RALYL: variants seen among roughly 807,000 people sequenced by gnomAD.
RALYL encodes RNA-binding Raly-like protein.
Under a neutral mutation model 35.1 loss-of-function variants are expected in RALYL, and 29 were observed. That is an observed-to-expected ratio of 0.83 (90% CI 0.61 to 1.13). The LOEUF (loss-of-function observed/expected upper bound fraction) is 1.13. Ranked by LOEUF, RALYL falls within the 50% of genes most tolerant of loss-of-function variation. RALYL has a pLI of 0.00. For missense variants in RALYL, 359 were observed against 360.4 expected (o/e 1.00, Z 0.03); for synonymous variants, 120 against 127.6 (o/e 0.94, Z 0.40).
chr8:84,300,867 G>A (rs748019029), intron 1 of RALYL, among the ~76,000 whole-genome samples: 1 of 151,910 alleles, frequency 6.6e-6, no homozygotes, highest in Non-Finnish European at 1.5e-5. Flanking sequence ...TTAAGTGGGG[G>A]CATTTGTCCT....
intron 2 of RALYL, among the ~76,000 whole-genome samples, chr8:84,665,085 ATGT>A (rs1214130666): frequency 2.0e-5 from 3 of 152,062 alleles, no homozygotes; most frequent in African/African-American, 7.2e-5. Context: ...TGAGATAATC[ATGT>A]TGTTTTTGTC....
intron 4 of RALYL, among the ~76,000 whole-genome samples, chr8:84,826,169 G>A (rs1829651629): frequency 6.6e-6 from 1 of 151,788 alleles, no homozygotes; most frequent in South Asian, 2.1e-4. Flanking sequence ...AAGGGAGGGA[G>A]GGCAGAAGTT....
At chr8:84,337,635 A>G (rs546574103) in intron 1 of RALYL, among the ~76,000 whole-genome samples, 1 of 152,238 alleles carries the variant, frequency 6.6e-6, no homozygotes, top group South Asian at 2.1e-4. Context: ...TTCATATAAA[A>G]TGGTTTCTGA....
At chr8:84,253,662 C>A (rs1830669266) in intron 1 of RALYL, among the ~76,000 whole-genome samples, 1 of 152,116 alleles carries the variant, frequency 6.6e-6, no homozygotes, top group Non-Finnish European at 1.5e-5. Context: ...AAGAAGTTGA[C>A]AGGTAAACAT....
chr8:84,241,670 C>G (rs1221834665), intron 1 of RALYL, among the ~76,000 whole-genome samples: 1 of 150,848 alleles, frequency 6.6e-6, no homozygotes, highest in Non-Finnish European at 1.5e-5. Flanking sequence ...CCCAGCTACT[C>G]AGGAGGCTGA....
At chr8:84,786,445 A>ACAGTGTAAAAGAGTTCTT (rs1379022068) in intron 3 of RALYL, among the ~76,000 whole-genome samples, 23 of 152,116 alleles carry the variant, frequency 1.5e-4, no homozygotes, top group African/African-American at 5.1e-4. Context: ...ATTCCCACCA[A>ACAGTGTAAAAGAGTTCTT]CAGTGTAAAA....
intron 2 of RALYL, among the ~76,000 whole-genome samples, chr8:84,693,378 A>C (rs1838471721): frequency 6.6e-6 from 1 of 151,938 alleles, no homozygotes. Flanking sequence ...AATGTCAAGC[A>C]AAAGGGGAAA....
intron 2 of RALYL, among the ~76,000 whole-genome samples, chr8:84,667,556 T>A (rs972110985): frequency 6.6e-6 from 1 of 152,164 alleles, no homozygotes; most frequent in African/African-American, 2.4e-5. Flanking sequence ...GGTACTTGAA[T>A]ATCAGTTAAA....
chr8:84,191,878 A>G (rs1157172267), intron 1 of RALYL, among the ~76,000 whole-genome samples: 1 of 152,248 alleles, frequency 6.6e-6, no homozygotes, highest in Non-Finnish European at 1.5e-5. Context: ...AATTAAGTGT[A>G]AGAAATGTAA....
At chr8:84,580,445 G>A (rs938225507) in intron 2 of RALYL, among the ~76,000 whole-genome samples, 3 of 152,252 alleles carry the variant, frequency 2.0e-5, no homozygotes, top group Admixed American at 6.5e-5. Context: ...GGACCAGCAT[G>A]TGCAGAGAAA....
At chr8:84,453,443 AGC>A (rs2049749524) in intron 1 of RALYL, among the ~76,000 whole-genome samples, 1 of 151,978 alleles carries the variant, frequency 6.6e-6, no homozygotes, top group Non-Finnish European at 1.5e-5. Flanking sequence ...TGTCCAGTTA[AGC>A]TTGTTGAGCT....
intron 1 of RALYL, among the ~76,000 whole-genome samples, chr8:84,412,196 G>A (rs928984362): frequency 6.6e-6 from 1 of 151,660 alleles, no homozygotes; most frequent in African/African-American, 2.4e-5. Flanking sequence ...AAAATACAAA[G>A]ATACAAATCA....
At chr8:84,797,114 G>A (rs1235698850) in intron 3 of RALYL, among the ~76,000 whole-genome samples, 10 of 152,206 alleles carry the variant, frequency 6.6e-5, no homozygotes, top group African/African-American at 2.2e-4. Context: ...TCAAGAGGCA[G>A]TGTCTAGTGA....
intron 1 of RALYL, among the ~76,000 whole-genome samples, chr8:84,220,685 A>G (rs1338921140): frequency 6.6e-6 from 1 of 152,044 alleles, no homozygotes; most frequent in African/African-American, 2.4e-5. Flanking sequence ...TGATGAAAGT[A>G]GACACTTTTA....
intron 1 of RALYL, among the ~76,000 whole-genome samples, chr8:84,191,449 T>A (rs1813853170): frequency 6.6e-6 from 1 of 152,176 alleles, no homozygotes; most frequent in South Asian, 2.1e-4. Flanking sequence ...CAATGAGCCC[T>A]TCTAGTGCAC....
intron 2 of RALYL, among the ~76,000 whole-genome samples, chr8:84,708,812 A>G (rs2132434466): frequency 6.6e-6 from 1 of 152,306 alleles, no homozygotes; most frequent in South Asian, 2.1e-4. Context: ...TAAAAGACAC[A>G]TGAAGGTACA....
intron 6 of RALYL, among the ~76,000 whole-genome samples, chr8:84,868,157 C>T (rs1839523029): frequency 6.6e-6 from 1 of 152,106 alleles, no homozygotes; most frequent in Non-Finnish European, 1.5e-5. Context: ...AGGCAGCCCA[C>T]TCTAAACTTG....
In RALYL at chr8:84,810,431, T is replaced by C. The variant is rs141760162; in HGVS notation, c.365+5629T>C. ...ATGGCCTATGTTTTAGAAAGTCCCA[T>C]GCACTCTTGAATAGAATGTGTGTAT... On this transcript the variant is annotated intron_variant, in intron 4 of 8. Transcript: ENST00000521268. Among the ~76,000 whole-genome samples the C allele has an allele frequency of 4.5e-3, 681 of 152,288 alleles. 4 individuals carry two copies. The highest frequency in any genetic ancestry group is 7.6e-3 in the Admixed American group (117 of 15,300).
chr8:84,551,637 T>C (rs2060726093), intron 2 of RALYL, among the ~76,000 whole-genome samples: 1 of 152,002 alleles, frequency 6.6e-6, no homozygotes, highest in Non-Finnish European at 1.5e-5. Context: ...AAGTGGATAA[T>C]AATAGAAAGA....
Sources: gnomAD v4.1 joint callset for allele counts (sites outside exome capture counted in the v4.1 genomes callset) on GRCh38, gnomAD v4.1.1 for gene constraint, MANE v1.5 for transcripts, NCBI Gene and HGNC (gene_info 2026-07-23, HGNC 2026-07-21) for gene names.